The following DMD variants were observed in gnomAD, a reference collection of about 807,000 sequenced individuals.
DMD encodes the protein dystrophin.
Under a neutral mutation model 330.1 loss-of-function variants are expected in DMD, and 63 were observed. That is an observed-to-expected ratio of 0.19 (90% CI 0.16 to 0.24). The LOEUF (loss-of-function observed/expected upper bound fraction) is 0.24. DMD is among the 10% of genes least tolerant of loss of function. DMD has a pLI of 1.00. For missense variants in DMD, 3,344 were observed against 2,684.1 expected, an observed-to-expected ratio of 1.25 and a Z score of -5.43; for synonymous variants, 1,223 against 959.8, an observed-to-expected ratio of 1.27 and a Z score of -5.07.
chrX:31,897,130 T>C (rs1397831173), intron 47 of DMD, among the ~76,000 whole-genome samples: 1 of 108,371 alleles, frequency 9.2e-6, no homozygotes, highest in African/African-American at 3.4e-5. Context: ...TGTCCATGTG[T>C]TCTCATTGTT....
chrX:33,101,858 A>T (rs2095242767), intron 1 of DMD, among the ~76,000 whole-genome samples: 2 of 111,727 alleles, frequency 1.8e-5, no homozygotes, highest in African/African-American at 6.5e-5. Flanking sequence ...CCTCTATATC[A>T]GTAAGCTTGT....
rs1291496366 is a variant in DMD at position 31,120,872 on chromosome X, T to TCAATCAATCAATCAATCAAC, written c.*1046_*1047insGTTGATTGATTGATTGATTG. On this transcript the variant is annotated 3_prime_UTR_variant, in exon 79 of 79. Transcript: ENST00000357033. ...AGCAGCAGGAAGCTGAATGTATCAA[T>TCAATCAATCAATCAATCAAC]CAATCAATCAATCAACCAACCAACC... is the stretch of plus-strand genomic sequence containing the variant. 2 of 110,269 alleles carry TCAATCAATCAATCAATCAAC rather than the reference T, an allele frequency of 1.8e-5. No homozygotes were observed. Among genetic ancestry groups the TCAATCAATCAATCAATCAAC allele is most frequent in the African/African-American group, 6.8e-5 (2 of 29,454 alleles). 9.1% of individuals were successfully genotyped at this position (110,269 alleles called of 1,213,427 possible).
chrX:32,859,459 TCTCACA>T (rs1175911735), intron 2 of DMD, among the ~76,000 whole-genome samples: 3 of 69,603 alleles, frequency 4.3e-5, no homozygotes, highest in African/African-American at 1.7e-4. Context: ...CGAAGCAAGA[TCTCACA>T]CACACACACA....
At chrX:32,782,065 A>AT (rs2074820235) in intron 7 of DMD, among the ~76,000 whole-genome samples, 1 of 111,840 alleles carries the variant, frequency 8.9e-6, no homozygotes, top group African/African-American at 3.2e-5. Flanking sequence ...TAACATGGTA[A>AT]TTTTTTAGAA....
intron 74 of DMD, among the ~76,000 whole-genome samples, chrX:31,155,606 T>G (rs1305964493): frequency 9.0e-6 from 1 of 111,326 alleles, no homozygotes; most frequent in East Asian, 2.8e-4. Flanking sequence ...ATGTAGCCAA[T>G]CAGCAGTTTT....
chrX:31,265,641 C>G (rs1603264154), intron 62 of DMD, among the ~76,000 whole-genome samples: 1 of 110,496 alleles, frequency 9.1e-6, no homozygotes, highest in African/African-American at 3.3e-5. Flanking sequence ...CCACGGTGTT[C>G]AAGGGTCAGA....
At chrX:32,554,883 A>G (rs1426658447) in intron 16 of DMD, among the ~76,000 whole-genome samples, 6 of 13,444 alleles carry the variant, frequency 4.5e-4, no homozygotes, top group African/African-American at 1.0e-3. Flanking sequence ...GGAAAGAAGA[A>G]AGAAAGAAAG....
At chrX:31,376,922 C>A (rs974760112) in intron 60 of DMD, among the ~76,000 whole-genome samples, 1 of 112,068 alleles carries the variant, frequency 8.9e-6, no homozygotes, top group African/African-American at 3.2e-5. Flanking sequence ...GCGGTTCTAA[C>A]CCAGCAAAAT....
At chrX:32,361,329 A>T (rs1324367261) in intron 37 of DMD, among the ~76,000 whole-genome samples, 4 of 111,289 alleles carry the variant, frequency 3.6e-5, no homozygotes, top group Non-Finnish European at 7.5e-5. Context: ...ATTTTTTTGC[A>T]GGTAATAATG....
intron 55 of DMD, among the ~76,000 whole-genome samples, chrX:31,597,175 C>T (rs1208230784): frequency 5.4e-5 from 6 of 111,336 alleles, no homozygotes; most frequent in Non-Finnish European, 7.5e-5. Context: ...GCTTTTGTGA[C>T]GCTTACAATC....
At chrX:32,343,877 C>T (rs923102361) in intron 39 of DMD, among the ~76,000 whole-genome samples, 4 of 111,752 alleles carry the variant, frequency 3.6e-5, no homozygotes, top group Non-Finnish European at 5.7e-5. Flanking sequence ...CACCACTGTT[C>T]GTATATTGGT....
At chrX:32,415,188 AG>A (rs1286496594) in intron 29 of DMD, among the ~76,000 whole-genome samples, 1 of 112,363 alleles carries the variant, frequency 8.9e-6, no homozygotes, top group Non-Finnish European at 1.9e-5. Flanking sequence ...TTAATTGTAT[AG>A]GATGTAATAT....
chrX:32,622,580 C>T (rs913418030), intron 11 of DMD, among the ~76,000 whole-genome samples: 1 of 111,841 alleles, frequency 8.9e-6, no homozygotes, highest in African/African-American at 3.3e-5. Flanking sequence ...TCCTATAGGA[C>T]AAAATTGAGT....
intron 29 of DMD, among the ~76,000 whole-genome samples, chrX:32,427,272 A>G (rs1184477253): frequency 9.0e-6 from 1 of 111,443 alleles, no homozygotes; most frequent in African/African-American, 3.3e-5. Context: ...TAGCTTTGAT[A>G]GGAGCTGTCA....
intron 62 of DMD, among the ~76,000 whole-genome samples, chrX:31,290,654 A>AT (rs1431013546): frequency 2.7e-5 from 3 of 111,939 alleles, no homozygotes; most frequent in African/African-American, 9.7e-5. Flanking sequence ...ATAATTTTTC[A>AT]TTCATGATGC....
chrX:31,784,292 A>G (rs917806013), intron 50 of DMD, among the ~76,000 whole-genome samples: 1 of 111,878 alleles, frequency 8.9e-6, no homozygotes, highest in African/African-American at 3.2e-5. Context: ...GAAAACCACA[A>G]TGAGATATTA....
intron 50 of DMD, among the ~76,000 whole-genome samples, chrX:31,805,001 C>T (rs1056284214): frequency 4.5e-5 from 5 of 111,009 alleles, no homozygotes; most frequent in Admixed American, 3.9e-4. Flanking sequence ...CTAGGAATCA[C>T]GCTTATCTTG....
chrX:31,395,628 T>G (rs986185444), intron 60 of DMD, among the ~76,000 whole-genome samples: 1 of 112,327 alleles, frequency 8.9e-6, no homozygotes, highest in African/African-American at 3.2e-5. Flanking sequence ...AAGACTCAGA[T>G]AGTACACCCT....
At chrX:33,294,178 A>C (rs1221809101) in intron 1 of DMD, among the ~76,000 whole-genome samples, 4 of 111,021 alleles carry the variant, frequency 3.6e-5, no homozygotes. Context: ...GTTCTGACTG[A>C]GATTTTGCAG....
Sources: allele counts gnomAD v4.1 joint callset (sites outside exome capture counted in the v4.1 genomes callset), GRCh38; gene constraint gnomAD v4.1.1; transcripts MANE v1.5; gene names NCBI Gene and HGNC (gene_info 2026-07-23, HGNC 2026-07-21).